KIAA0825: variants seen among roughly 807,000 people sequenced by gnomAD.
KIAA0825 encodes the protein KIAA0825, also known as uncharacterized protein KIAA0825.
KIAA0825 carries 119 observed loss-of-function variants against 147.6 expected under a neutral mutation model. That is an observed-to-expected ratio of 0.81 (90% CI 0.69 to 0.94). The LOEUF (loss-of-function observed/expected upper bound fraction) is 0.94, where lower values mean the gene tolerates loss of function less well. Among genes scored for constraint, KIAA0825 ranks in the 40% least tolerant of loss-of-function variants. KIAA0825 has a pLI of 0.00. For synonymous variants in KIAA0825, 470 were observed against 518.1 expected (o/e 0.91, Z 1.26); for missense variants, 1,381 against 1,472.7 (o/e 0.94, Z 1.02).
intron 20 of KIAA0825, among the ~76,000 whole-genome samples, chr5:94,190,945 GT>G (rs1167199007): frequency 2.0e-5 from 3 of 152,066 alleles, no homozygotes; most frequent in African/African-American, 4.8e-5. Flanking sequence ...GTTAGTATGG[GT>G]AGGAATGGGG....
intron 6 of KIAA0825, 34 bp from the exon 7 acceptor site, chr5:94,477,239 A>G: frequency 7.5e-7 from 1 of 1,328,508 alleles, no homozygotes; most frequent in Non-Finnish European, 1.1e-6. Flanking sequence ...ACACACTAAT[A>G]TATATTGTTT....
chr5:94,497,735 T>A (rs1764552236), intron 5 of KIAA0825, among the ~76,000 whole-genome samples: 2 of 152,342 alleles, frequency 1.3e-5, no homozygotes, highest in South Asian at 2.1e-4. Context: ...TGTATCAGAA[T>A]CACCTGGTGA....
chr5:94,360,137 C>T (rs1043421237), intron 20 of KIAA0825, among the ~76,000 whole-genome samples: 3 of 152,076 alleles, frequency 2.0e-5, no homozygotes, highest in Admixed American at 6.5e-5. Flanking sequence ...TCACAACTCA[C>T]GACATGTGAA....
At chr5:94,346,545 CA>C (rs1325991727) in intron 20 of KIAA0825, among the ~76,000 whole-genome samples, 1 of 152,100 alleles carries the variant, frequency 6.6e-6, no homozygotes, top group African/African-American at 2.4e-5. Flanking sequence ...CTCCCAAACA[CA>C]CACCGCCACT....
In KIAA0825 at chr5:94,386,342, T is replaced by G. The variant is rs1261552573; in HGVS notation, c.3519A>C (p.Arg1173=). ...NSSEEKPLPI[R]PLKTTLRSIE... is the part of the protein sequence containing the mutation. The stretch of plus-strand genomic sequence containing the variant: ...TACTCCTCAAGGTCGTCTTTAAAGG[T>G]CGGATGGGTAATGGCTTTTCCTCTG... Residue 1173 remains arginine, a synonymous_variant, in exon 19 of 21, where the codon CGA becomes CGC. Transcript: ENST00000682413. 3 of 1,551,572 alleles carry G rather than the reference T, an allele frequency of 1.9e-6. No individual in the cohort carries two copies. The highest frequency in any genetic ancestry group is 1.7e-6 in the Non-Finnish European group (2 of 1,146,880).
At chr5:94,330,891 T>C (rs1324476366) in intron 20 of KIAA0825, among the ~76,000 whole-genome samples, 1 of 151,966 alleles carries the variant, frequency 6.6e-6, no homozygotes, top group African/African-American at 2.4e-5. Flanking sequence ...TCCCAGCACT[T>C]TGGGAGGCTG....
At chr5:94,442,082 G>T (rs1429569915) in intron 13 of KIAA0825, among the ~76,000 whole-genome samples, 1 of 152,168 alleles carries the variant, frequency 6.6e-6, no homozygotes, top group African/African-American at 2.4e-5. Context: ...TTAACTGATT[G>T]ATTTTTCTGC....
chr5:94,450,421 G>A lies in KIAA0825; in HGVS notation c.2357+2538C>T, dbSNP rs534427917. Reference sequence around the variant, plus strand: ...CTTTGAGACTGTCTTAGTCCATTTTGTGCTGCCATAAAAGAATAACACAGA... The same window carrying A: ...CTTTGAGACTGTCTTAGTCCATTTTATGCTGCCATAAAAGAATAACACAGA... On this transcript the variant is annotated intron_variant, in intron 13 of 20. Coordinates refer to ENST00000682413, the MANE Select transcript of KIAA0825 (RefSeq NM_001145678.3). Among the ~76,000 whole-genome samples, 3 of 148,788 alleles carry A rather than the reference G, an allele frequency of 2.0e-5. No homozygotes were observed. The Admixed American group carries it at 2.0e-4, about 10-fold the overall frequency.
Position 94,152,846 on chromosome 5 carries a change from AAAAAAAAAATTATATATATAT to A in KIAA0825, c.*1140_*1160del, listed in dbSNP as rs1766625634. On this transcript the variant is annotated 3_prime_UTR_variant, in exon 21 of 21. Coordinates refer to ENST00000682413, the MANE Select transcript of KIAA0825 (RefSeq NM_001145678.3). ...GAAAAAAAAAAAAAAAAAAAAAAAA[AAAAAAAAAATTATATATATAT>A]ATATATATATATATATATATATATA... is the stretch of plus-strand genomic sequence containing the variant. The A allele has an allele frequency of 2.8e-4, 10 of 36,186 alleles. 1 individual carries two copies. Among genetic ancestry groups the A allele is most frequent in the Non-Finnish European group, 4.4e-4 (8 of 18,140 alleles). 2.2% of individuals were successfully genotyped at this position (36,186 alleles called of 1,614,324 possible). A position where few individuals can be genotyped will look rare whatever the true frequency, so the allele number is the denominator to read the frequency against.
chr5:94,403,069 T>C (rs753039156), intron 16 of KIAA0825, among the ~76,000 whole-genome samples: 11 of 152,014 alleles, frequency 7.2e-5, no homozygotes, highest in Non-Finnish European at 1.5e-5. Context: ...GAGGAAAAAA[T>C]ACCCTGTCAG....
chr5:94,571,694 T>C (rs1471864700), intron 2 of KIAA0825, among the ~76,000 whole-genome samples: 1 of 152,224 alleles, frequency 6.6e-6, no homozygotes, highest in African/African-American at 2.4e-5. Context: ...TGGTCAGTTA[T>C]ACCATTACAG....
At chr5:94,184,482 T>C (rs1769941666) in intron 20 of KIAA0825, among the ~76,000 whole-genome samples, 1 of 152,174 alleles carries the variant, frequency 6.6e-6, no homozygotes, top group South Asian at 2.1e-4. Context: ...AACACATTGA[T>C]CATTCACACA....
intron 20 of KIAA0825, among the ~76,000 whole-genome samples, chr5:94,243,411 G>T (rs975923586): frequency 1.3e-5 from 2 of 152,096 alleles, no homozygotes. Context: ...TTTACCATTT[G>T]CTAGCTTTGT....
At chr5:94,305,415 G>A (rs1329947866) in intron 20 of KIAA0825, among the ~76,000 whole-genome samples, 1 of 151,918 alleles carries the variant, frequency 6.6e-6, no homozygotes, top group Admixed American at 6.6e-5. Context: ...CACAATGTAG[G>A]ATTGACATAT....
chr5:94,380,132 C>T (rs555466565), intron 20 of KIAA0825, among the ~76,000 whole-genome samples: 13 of 152,204 alleles, frequency 8.5e-5, no homozygotes, highest in Non-Finnish European at 1.2e-4. Context: ...GGGTTACAGG[C>T]GTGAGCCACC....
At chr5:94,350,924 T>A (rs951466477) in intron 20 of KIAA0825, among the ~76,000 whole-genome samples, 1 of 150,660 alleles carries the variant, frequency 6.6e-6, no homozygotes, top group African/African-American at 2.4e-5. Flanking sequence ...CTCGCTCTTG[T>A]TGCCCACGCT....
At chr5:94,488,857 T>C (rs1465906820) in intron 5 of KIAA0825, among the ~76,000 whole-genome samples, 1 of 152,222 alleles carries the variant, frequency 6.6e-6, no homozygotes. Flanking sequence ...AGTCTCTATT[T>C]CCTGCCATAA....
intron 19 of KIAA0825, among the ~76,000 whole-genome samples, chr5:94,385,083 A>G (rs1415934007): frequency 1.3e-5 from 2 of 152,242 alleles, no homozygotes; most frequent in Non-Finnish European, 2.9e-5. Context: ...ACTCAATAAA[A>G]TATGCCATTT....
In KIAA0825 at chr5:94,241,912, G is replaced by A. The variant is rs968068772; in HGVS notation, c.3711-87788C>T. On this transcript the variant is annotated intron_variant, in intron 20 of 20. Transcript: ENST00000682413. ...ATAATCCCAAGGTTACTTCATAGAA[G>A]CACTGCTTGAAATAAGGCAGTGTTT... is the stretch of plus-strand genomic sequence containing the variant. Among the ~76,000 whole-genome samples the A allele has an allele frequency of 2.0e-5, 3 of 152,142 alleles. No individual in the cohort carries two copies. The South Asian group carries it at 6.2e-4, about 32-fold the overall frequency.
Sources: gnomAD v4.1 joint callset for allele counts (sites outside exome capture counted in the v4.1 genomes callset) on GRCh38, gnomAD v4.1.1 for gene constraint, MANE v1.5 for transcripts, NCBI Gene and HGNC (gene_info 2026-07-23, HGNC 2026-07-21) for gene names.